The following ATRIP variants were observed in gnomAD, a reference collection of about 807,000 sequenced individuals.
ATRIP encodes the protein ATR-interacting protein.
A neutral mutation model predicts 78.1 loss-of-function variants in ATRIP; 44 were observed. That is an observed-to-expected ratio of 0.56 (90% CI 0.44 to 0.72). The LOEUF is 0.72. Ranked by LOEUF, ATRIP falls within the 30% of genes least tolerant of loss-of-function variation. ATRIP has a pLI of 0.00. For missense variants in ATRIP, 927 were observed against 980.2 expected, an observed-to-expected ratio of 0.95 and a Z score of 0.72; for synonymous variants, 388 against 408.9, an observed-to-expected ratio of 0.95 and a Z score of 0.62.
chr3:48,457,560 A>G, intron 5 of ATRIP, 144 bp downstream of exon 5: 1 of 645,700 alleles, frequency 1.5e-6, no homozygotes, highest in South Asian at 4.2e-5. Context: ...GACTGGAATC[A>G]CTGAAAGCTT....
rs145721839 is a variant in ATRIP, at chr3:48,467,208, C to G, written c.*1654C>G. On this transcript the variant is annotated 3_prime_UTR_variant, in exon 13 of 13. Transcript: ENST00000320211. Reference sequence around the variant, plus strand: ...CTATAGCCTAGGCAGCATCTACACTCGCCTGTATGGGCAGTCCCCTCCAGA... The same window carrying G: ...CTATAGCCTAGGCAGCATCTACACTGGCCTGTATGGGCAGTCCCCTCCAGA... The G allele has an allele frequency of 1.2e-6, 2 of 1,613,928 alleles. No homozygotes were observed. The highest frequency in any genetic ancestry group is 4.5e-5 in the East Asian group (2 of 44,902).
chr3:48,448,196 C>CT (rs1445994710), intron 1 of ATRIP, among the ~76,000 whole-genome samples: 2 of 130,282 alleles, frequency 1.5e-5, no homozygotes, highest in Non-Finnish European at 3.1e-5. Flanking sequence ...GAGTCTCACT[C>CT]TGTCACCCAG....
Position 48,464,142 on chromosome 3 carries a change from C to T in ATRIP, c.1974+10C>T. The T allele has an allele frequency of 6.2e-7, 1 of 1,604,976 alleles. No individual in the cohort carries two copies. Among genetic ancestry groups the T allele is most frequent in the South Asian group, 1.1e-5 (1 of 90,872 alleles). On this transcript the variant is annotated intron_variant, in intron 10 of 12. Coordinates refer to ENST00000320211, the MANE Select transcript of ATRIP (RefSeq NM_130384.3). ...CCAGCTGGAACAAGAGGTAAAAACT[C>T]CAGAGCCCCTTCTGGACACTGTCCC... is the stretch of plus-strand genomic sequence containing the variant.
chr3:48,458,695 A>G (rs1013377596), intron 5 of ATRIP, among the ~76,000 whole-genome samples: 6 of 152,112 alleles, frequency 3.9e-5, no homozygotes, highest in African/African-American at 7.2e-5. Flanking sequence ...TGTTTTTTAG[A>G]GAGAGACAAT....
chr3:48,459,749 C>A, intron 6 of ATRIP, 38 bp from the exon 7 acceptor site: 1 of 1,596,806 alleles, frequency 6.3e-7, no homozygotes, highest in South Asian at 1.1e-5. Context: ...AAAGATCTCC[C>A]ATGTCAGAAC....
intron 1 of ATRIP, chr3:48,447,301 A>C (rs2039705030): frequency 8.1e-7 from 1 of 1,241,398 alleles, no homozygotes; most frequent in South Asian, 3.4e-5. Flanking sequence ...GCCGATTTGA[A>C]ACACAGAAGG....
chr3:48,465,174 GC>G, intron 12 of ATRIP, 91 bp downstream of exon 12: 1 of 1,501,868 alleles, frequency 6.7e-7, no homozygotes, highest in South Asian at 1.3e-5. Flanking sequence ...CCCTCAGCAG[GC>G]CCCCGCCCAC....
At chr3:48,457,671 T>G (rs1275877135) in intron 5 of ATRIP, among the ~76,000 whole-genome samples, 4 of 152,168 alleles carry the variant, frequency 2.6e-5, no homozygotes, top group African/African-American at 4.8e-5. Context: ...GGGTATCCTC[T>G]TAACCTGGTG....
chr3:48,462,712 A>C (rs2040153324), intron 8 of ATRIP, among the ~76,000 whole-genome samples: 1 of 152,172 alleles, frequency 6.6e-6, no homozygotes, highest in African/African-American at 2.4e-5. Flanking sequence ...CAAAAAAAAA[A>C]AGTTCTTAAC....
chr3:48,446,974 G>T lies in ATRIP; in HGVS notation c.129G>T (p.Pro43=). 6.4e-7 allele frequency: 1 copy of T among 1,565,906 alleles called. No homozygotes were observed. Among genetic ancestry groups the T allele is most frequent in the South Asian group, 1.2e-5 (1 of 86,196 alleles). Residue 43 remains proline (P), a synonymous_variant, in exon 1 of 13, where the codon CCG becomes CCT. Coordinates refer to ENST00000320211, the MANE Select transcript of ATRIP (RefSeq NM_130384.3). Reference sequence around the variant, plus strand: ...GGGGCTTCTCCGCAGCCGCTGCCCCGGACCCTGACGACCCGTTCGGCGCGC... The same window carrying T: ...GGGGCTTCTCCGCAGCCGCTGCCCCTGACCCTGACGACCCGTTCGGCGCGC... ...RARGFSAAAA[P]DPDDPFGAHG...
At chr3:48,451,064 C>T (rs569966542) in intron 2 of ATRIP, among the ~76,000 whole-genome samples, 1 of 151,970 alleles carries the variant, frequency 6.6e-6, no homozygotes, top group East Asian at 2.0e-4. Flanking sequence ...TGGCGGGCAC[C>T]TGTAATCTCA....
In ATRIP at chr3:48,467,180, G is replaced by T; in HGVS notation, c.*1626G>T. On this transcript the variant is annotated 3_prime_UTR_variant, in exon 13 of 13. Coordinates refer to ENST00000320211, the MANE Select transcript of ATRIP (RefSeq NM_130384.3). Reference sequence around the variant, plus strand: ...GCCCCTCAGAACACGGCCCAAGGAAGAGCTATAGCCTAGGCAGCATCTACA... The same window carrying T: ...GCCCCTCAGAACACGGCCCAAGGAATAGCTATAGCCTAGGCAGCATCTACA... 6.2e-7 allele frequency: 1 copy of T among 1,613,862 alleles called. No homozygotes were observed. Among genetic ancestry groups the T allele is most frequent in the Non-Finnish European group, 8.5e-7 (1 of 1,179,936 alleles).
intron 8 of ATRIP, among the ~76,000 whole-genome samples, chr3:48,462,191 G>T (rs1049988647): frequency 6.6e-6 from 1 of 151,844 alleles, no homozygotes; most frequent in Non-Finnish European, 1.5e-5. Context: ...AATTAGCCAG[G>T]CATGGTGGCA....
Position 48,467,617 on chromosome 3 carries a change from T to C in ATRIP, c.*2063T>C. 2.5e-6 allele frequency: 4 copies of C among 1,606,864 alleles called. No homozygotes were observed. Among genetic ancestry groups the C allele is most frequent in the Non-Finnish European group, 3.4e-6 (4 of 1,176,156 alleles). On this transcript the variant is annotated 3_prime_UTR_variant, in exon 13 of 13. Transcript: ENST00000320211. ...GGGGAGTAGGCCAAGAAGGAAAATCTGACGAATAAAGACCCCCGCTGCCCC... is the reference window on the plus strand; with the variant it reads ...GGGGAGTAGGCCAAGAAGGAAAATCCGACGAATAAAGACCCCCGCTGCCCC...
chr3:48,449,742 A>G (rs1033600293), intron 1 of ATRIP, among the ~76,000 whole-genome samples: 2 of 146,060 alleles, frequency 1.4e-5, no homozygotes, highest in Non-Finnish European at 3.0e-5. Flanking sequence ...CCTGGCTAAC[A>G]TGGTGAAACG....
chr3:48,467,321 C>G lies in ATRIP; in HGVS notation c.*1767C>G, dbSNP rs1431098691. The G allele has an allele frequency of 6.2e-7, 1 of 1,614,134 alleles. No homozygotes were observed. Among genetic ancestry groups the G allele is most frequent in the East Asian group, 2.2e-5 (1 of 44,882 alleles). ...CCCTGCTGCGGTGGGTGGATGCTCA[C>G]GCCAGGCCTTTCGGCACCATCAGGC... On this transcript the variant is annotated 3_prime_UTR_variant, in exon 13 of 13. Transcript: ENST00000320211.
At chr3:48,464,193 TCTC>T in intron 10 of ATRIP, 61 bp downstream of exon 10, 1 of 1,387,314 alleles carries the variant, frequency 7.2e-7, no homozygotes, top group Non-Finnish European at 1.0e-6. Flanking sequence ...ACCAACAGAA[TCTC>T]CTTTCTTTCC....
Position 48,447,134 on chromosome 3 carries a change from AC to A in ATRIP, c.247+44del, listed in dbSNP as rs555951256. ...GCCTTTTGCTCGGAGGGAGTTGTCA[AC>A]CGCGCCAGATCCCCTTGATGGCTGT... On this transcript the variant is annotated intron_variant, in intron 1 of 12. Transcript: ENST00000320211. 102 of 1,448,448 alleles carry A rather than the reference AC, an allele frequency of 7.0e-5. 1 individual carries two copies. The African/African-American group carries it at 1.5e-3, about 21-fold the overall frequency. The allele number at this position is 1,448,448 out of a possible 1,614,324, so 89.7% of individuals were successfully genotyped here.
Position 48,454,392 on chromosome 3 carries a change from G to A in ATRIP, c.645G>A (p.Leu215=). 2 of 1,612,886 alleles carry A rather than the reference G, an allele frequency of 1.2e-6. No individual in the cohort carries two copies. Among genetic ancestry groups the A allele is most frequent in the Non-Finnish European group, 1.7e-6 (2 of 1,179,030 alleles). ...KLQTSERANK[L]AAPSVSHVSP... ...AGACCAGTGAACGAGCAAATAAACT[G>A]GCTGCTCCCTCTGTTTCCCATGTCA... The change falls in exon 4 of 13, where the codon CTG becomes CTA. Residue 215 remains leucine (L), a synonymous_variant. Transcript: ENST00000320211.
Sources: gnomAD v4.1 joint callset for allele counts (sites outside exome capture counted in the v4.1 genomes callset) on GRCh38, gnomAD v4.1.1 for gene constraint, MANE v1.5 for transcripts, NCBI Gene and HGNC (gene_info 2026-07-23, HGNC 2026-07-21) for gene names.